NRXN3: variants seen among roughly 807,000 people sequenced by gnomAD.
NRXN3 encodes the protein neurexin 3, also known as neurexin III.
A neutral mutation model predicts 137.6 loss-of-function variants in NRXN3; 32 were observed. The observed-to-expected ratio is 0.23, with a 90% CI of 0.18 to 0.31. The LOEUF is 0.31. Among genes scored for constraint, NRXN3 ranks in the 10% least tolerant of loss-of-function variants. The pLI, the probability that NRXN3 is intolerant of heterozygous loss-of-function variation, is 1.00. For missense variants in NRXN3, 1,574 were observed against 2,062.5 expected, an observed-to-expected ratio of 0.76 and a Z score of 4.59; for synonymous variants, 798 against 784.5, an observed-to-expected ratio of 1.02 and a Z score of -0.29.
chr14:78,184,016 T>C (rs952063691), intron 1 of NRXN3, among the ~76,000 whole-genome samples: 1 of 152,202 alleles, frequency 6.6e-6, no homozygotes, highest in Non-Finnish European at 1.5e-5. Flanking sequence ...AACAATTAAC[T>C]CCTTACAAAT....
intron 20 of NRXN3, among the ~76,000 whole-genome samples, chr14:79,856,964 T>C (rs368444416): frequency 6.6e-6 from 1 of 152,068 alleles, no homozygotes; most frequent in African/African-American, 2.4e-5. Flanking sequence ...TAAAGAAAAA[T>C]TCTGGGGATA....
At chr14:79,181,800 C>T (rs1239343512) in intron 15 of NRXN3, among the ~76,000 whole-genome samples, 1 of 151,868 alleles carries the variant, frequency 6.6e-6, no homozygotes, top group African/African-American at 2.4e-5. Flanking sequence ...ATCATTGATT[C>T]CAGCCACATG....
intron 16 of NRXN3, among the ~76,000 whole-genome samples, chr14:79,655,031 A>T (rs535927475): frequency 6.6e-6 from 1 of 152,312 alleles, no homozygotes; most frequent in South Asian, 2.1e-4. Flanking sequence ...TTGGCCTAGA[A>T]TATCCACCTC....
Position 78,243,402 on chromosome 14 carries a change from G to A in NRXN3, c.309G>A (p.Gln103=). 6.4e-7 allele frequency: 1 copy of A among 1,567,856 alleles called. No individual in the cohort carries two copies. Among genetic ancestry groups the A allele is most frequent in the Non-Finnish European group, 8.6e-7 (1 of 1,164,456 alleles). ...CAETAVLSNK[Q]VNDSSWHFLM... is the part of the protein sequence containing the mutation. The stretch of plus-strand genomic sequence containing the variant: ...AGACTGCCGTGCTGTCCAACAAGCA[G>A]GTGAATGACAGCAGCTGGCACTTCC... The change falls in exon 2 of 21, where the codon CAG becomes CAA. Residue 103 remains glutamine (Q), a synonymous_variant. Transcript: ENST00000335750. This position sits in a 1 kb window ranked among gnomAD's most constrained non-coding sequence, Gnocchi z 4.2.
chr14:79,276,481 G>A (rs952577339), intron 15 of NRXN3, among the ~76,000 whole-genome samples: 3 of 152,038 alleles, frequency 2.0e-5, no homozygotes, highest in Admixed American at 6.5e-5. Flanking sequence ...CAAAATTCAC[G>A]GTGACTTCTT....
intron 2 of NRXN3, chr14:78,250,017 C>G (rs1362171694): frequency 8.2e-6 from 4 of 485,880 alleles, no homozygotes; most frequent in Admixed American, 6.5e-5. Context: ...CTCACACTGT[C>G]TTAGGTGCTT....
intron 4 of NRXN3, among the ~76,000 whole-genome samples, chr14:78,577,287 A>T (rs1382006191): frequency 6.6e-6 from 1 of 152,184 alleles, no homozygotes. Context: ...GAATATTGGA[A>T]TTTTTAGGGT....
intron 14 of NRXN3, among the ~76,000 whole-genome samples, 181 bp downstream of exon 14, chr14:78,968,527 A>G (rs2099428354): frequency 6.6e-6 from 1 of 152,174 alleles, no homozygotes; most frequent in Non-Finnish European, 1.5e-5. Context: ...GACATGTGCC[A>G]CAGGCTCCAG....
chr14:78,391,950 A>C (rs1348033508), intron 4 of NRXN3, among the ~76,000 whole-genome samples: 1 of 152,156 alleles, frequency 6.6e-6, no homozygotes. Context: ...CATCCCTTCA[A>C]ACCACAAAGA....
In NRXN3 at chr14:79,866,478, C is replaced by T. The variant is rs1030818531; in HGVS notation, c.*4514C>T. 6 of 152,022 alleles carry T rather than the reference C, an allele frequency of 3.9e-5. No individual in the cohort carries two copies. Among genetic ancestry groups the T allele is most frequent in the African/African-American group, 1.4e-4 (6 of 41,390 alleles). 9.4% of individuals were successfully genotyped at this position (152,022 alleles called of 1,614,324 possible). A position where few individuals can be genotyped will look rare whatever the true frequency, so the allele number is the denominator to read the frequency against. ...GAAAACTGATAGGCAGAAATAAGGGCTGTATATCATTCTAAGCAAACCCTT... is the reference window on the plus strand; with the variant it reads ...GAAAACTGATAGGCAGAAATAAGGGTTGTATATCATTCTAAGCAAACCCTT... On this transcript the variant is annotated 3_prime_UTR_variant, in exon 21 of 21. Coordinates refer to ENST00000335750, the MANE Select transcript of NRXN3 (RefSeq NM_001330195.2).
At chr14:78,250,155 G>A (rs1199047832) in intron 2 of NRXN3, 2 of 504,038 alleles carry the variant, frequency 4.0e-6, no homozygotes, top group Non-Finnish European at 7.9e-6. Context: ...GGTATTAAGA[G>A]GCAGAGCTGC....
At chr14:79,181,878 A>G (rs1365056397) in intron 15 of NRXN3, among the ~76,000 whole-genome samples, 2 of 152,060 alleles carry the variant, frequency 1.3e-5, no homozygotes, top group Non-Finnish European at 2.9e-5. Flanking sequence ...ACTCCCCACC[A>G]TAGGTTTCTC....
chr14:78,965,023 G>T (rs1185380626), intron 11 of NRXN3, among the ~76,000 whole-genome samples: 1 of 152,126 alleles, frequency 6.6e-6, no homozygotes, highest in Non-Finnish European at 1.5e-5. Flanking sequence ...CAGCACAGAT[G>T]ATTCTCTTCA....
At chr14:79,804,539 A>G (rs2099195860) in intron 19 of NRXN3, among the ~76,000 whole-genome samples, 1 of 152,202 alleles carries the variant, frequency 6.6e-6, no homozygotes, top group South Asian at 2.1e-4. Flanking sequence ...TACATTACCA[A>G]TTCAGCTATT....
At chr14:79,508,622 C>T (rs1177774194) in intron 16 of NRXN3, among the ~76,000 whole-genome samples, 1 of 151,374 alleles carries the variant, frequency 6.6e-6, no homozygotes, top group East Asian at 2.0e-4. Flanking sequence ...GAACTCCTGA[C>T]CTCAGGTGAT....
At chr14:78,692,659 C>A (rs915423389) in intron 6 of NRXN3, among the ~76,000 whole-genome samples, 6 of 152,154 alleles carry the variant, frequency 3.9e-5, no homozygotes, top group African/African-American at 1.2e-4. Context: ...CTTGCCTCTG[C>A]CACATAAAAG....
chr14:79,689,858 CT>C (rs1689692168), intron 17 of NRXN3, among the ~76,000 whole-genome samples: 1 of 152,100 alleles, frequency 6.6e-6, no homozygotes, highest in Non-Finnish European at 1.5e-5. Context: ...ATTAATACAG[CT>C]TCTTAATTAA....
chr14:78,314,271 G>A (rs954427172), intron 4 of NRXN3, among the ~76,000 whole-genome samples: 23 of 152,108 alleles, frequency 1.5e-4, no homozygotes, highest in African/African-American at 5.3e-4. Context: ...GGAAAAACAG[G>A]GATACAGGGA....
At chr14:78,523,325 C>A (rs967438550) in intron 4 of NRXN3, among the ~76,000 whole-genome samples, 1 of 152,162 alleles carries the variant, frequency 6.6e-6, no homozygotes, top group Non-Finnish European at 1.5e-5. Context: ...AGGAATAATG[C>A]CAAAGGAGAA....
Sources: allele counts gnomAD v4.1 joint callset (sites outside exome capture counted in the v4.1 genomes callset), GRCh38; gene constraint gnomAD v4.1.1; non-coding constraint Gnocchi (gnomAD v3.1); transcripts MANE v1.5; gene names NCBI Gene and HGNC (gene_info 2026-07-23, HGNC 2026-07-21).